MRO: variants seen among roughly 807,000 people sequenced by gnomAD.
MRO encodes the protein maestro.
Under a neutral mutation model 31.0 loss-of-function variants are expected in MRO, and 28 were observed. That is an observed-to-expected ratio of 0.90 (90% confidence interval 0.67 to 1.24). MRO has a LOEUF of 1.24. Among genes scored for constraint, MRO ranks in the 50% most tolerant of loss-of-function variants. The pLI is 0.00. For missense variants in MRO, 332 were observed against 289.2 expected (o/e 1.15, Z -1.07); for synonymous variants, 108 against 108.4 (o/e 1.00, Z 0.02).
At chr18:50,823,626 C>T (rs1915392240), upstream of MRO, 1 of 152,222 alleles carries the variant, frequency 6.6e-6, no homozygotes, top group Non-Finnish European at 1.5e-5. Context: ...TCATGCAAAC[C>T]AAGGGACTCA....
chr18:50,809,392 T>G lies in MRO; in HGVS notation c.9A>C (p.Gln3His). The stretch of plus-strand genomic sequence containing the variant: ...GCTGGCCCAGGATTCTCCTCTGTCT[T>G]TGGTCCATGGAACTAAAAACAAAAC... MDQRQRRILGQPL... is the reference protein window; with the variant it reads MDHRQRRILGQPL... The change falls in exon 3 of 8, where the codon CAA (glutamine) becomes CAC (histidine). Residue 3 changes from glutamine (Q) to histidine (H), a missense_variant. Physicochemically the swap from Gln to His is conservative, Grantham distance 24. Transcript: ENST00000398439. The G allele has an allele frequency of 3.1e-6, 5 of 1,612,782 alleles. No homozygotes were observed. The highest frequency in any genetic ancestry group is 4.2e-6 in the Non-Finnish European group (5 of 1,179,304).
Position 50,799,289 on chromosome 18 carries a change from T to A in MRO, c.*48A>T. ...AGTGAGATAAAACAGGGGAACATGATGGCTCAGCAATGCACTCATACAGAA... is the reference window on the plus strand; with the variant it reads ...AGTGAGATAAAACAGGGGAACATGAAGGCTCAGCAATGCACTCATACAGAA... On this transcript the variant is annotated 3_prime_UTR_variant, in exon 8 of 8. Transcript: ENST00000398439. 1 of 1,508,452 alleles carries A rather than the reference T, an allele frequency of 6.6e-7. No homozygotes were observed. Among genetic ancestry groups the A allele is most frequent in the South Asian group, 1.1e-5 (1 of 88,970 alleles). 93.4% of individuals were successfully genotyped at this position (1,508,452 alleles called of 1,614,324 possible). A position where few individuals can be genotyped will look rare whatever the true frequency, so the allele number is the denominator to read the frequency against.
At chr18:50,800,633 C>T (rs1324045918) in intron 6 of MRO, among the ~76,000 whole-genome samples, 1 of 151,966 alleles carries the variant, frequency 6.6e-6, no homozygotes, top group Non-Finnish European at 1.5e-5. Flanking sequence ...GCCTATAATC[C>T]CAACACCTTG....
chr18:50,805,125 A>G (rs1913783711), intron 5 of MRO, 29 bp downstream of exon 5: 1 of 1,588,352 alleles, frequency 6.3e-7, no homozygotes, highest in Non-Finnish European at 8.6e-7. Flanking sequence ...TTTGATTTCA[A>G]TAACCCAGAA....
At position 50,799,295 on chromosome 18, in the gene MRO, A is replaced by G; in HGVS notation, c.*42T>C. The G allele has an allele frequency of 6.5e-7, 1 of 1,537,046 alleles. No homozygotes were observed. The highest frequency in any genetic ancestry group is 9.0e-7 in the Non-Finnish European group (1 of 1,109,818). On this transcript the variant is annotated 3_prime_UTR_variant, in exon 8 of 8. Transcript: ENST00000398439. ...ATAAAACAGGGGAACATGATGGCTCAGCAATGCACTCATACAGAACCATTT... is the reference window on the plus strand; with the variant it reads ...ATAAAACAGGGGAACATGATGGCTCGGCAATGCACTCATACAGAACCATTT...
Position 50,799,277 on chromosome 18 carries a change from A to C in MRO, c.*60T>G, listed in dbSNP as rs1294076111. The stretch of plus-strand genomic sequence containing the variant: ...GAAGAGGCATCCAGTGAGATAAAAC[A>C]GGGGAACATGATGGCTCAGCAATGC... On this transcript the variant is annotated 3_prime_UTR_variant, in exon 8 of 8. Coordinates refer to ENST00000398439, the MANE Select transcript of MRO (RefSeq NM_031939.6). 7 of 1,427,038 alleles carry C rather than the reference A, an allele frequency of 4.9e-6. No homozygotes were observed. The highest frequency in any genetic ancestry group is 6.9e-6 in the Non-Finnish European group (7 of 1,009,920). The allele number at this position is 1,427,038 out of a possible 1,614,324, so 88.4% of individuals were successfully genotyped here. A position where few individuals can be genotyped will look rare whatever the true frequency, so the allele number is the denominator to read the frequency against.
At position 50,809,389 on chromosome 18, in the gene MRO, T is replaced by A. The variant is rs1173977379; in HGVS notation, c.12A>T (p.Arg4Ser). 1 of 1,612,960 alleles carries A rather than the reference T, an allele frequency of 6.2e-7. No homozygotes were observed. Among genetic ancestry groups the A allele is most frequent in the African/African-American group, 1.3e-5 (1 of 74,828 alleles). Reference sequence around the variant, plus strand: ...GGGGCTGGCCCAGGATTCTCCTCTGTCTTTGGTCCATGGAACTAAAAACAA... The same window carrying A: ...GGGGCTGGCCCAGGATTCTCCTCTGACTTTGGTCCATGGAACTAAAAACAA... MDQ[R>S]QRRILGQPLS... Residue 4 changes from arginine (R) to serine (S), a missense_variant, in exon 3 of 8, where the codon AGA (arginine) becomes AGT (serine). Transcript: ENST00000398439.
chr18:50,817,507 A>AATAAT (rs1915028100), intron 2 of MRO, among the ~76,000 whole-genome samples: 1 of 151,346 alleles, frequency 6.6e-6, no homozygotes, highest in South Asian at 2.1e-4. Context: ...AAATAAAAAT[A>AATAAT]AATAATAATA....
intron 2 of MRO, among the ~76,000 whole-genome samples, chr18:50,813,895 T>G (rs1006882363): frequency 6.6e-6 from 1 of 152,130 alleles, no homozygotes; most frequent in African/African-American, 2.4e-5. Flanking sequence ...GTACCATGCT[T>G]ATTACCTGAG....
intron 5 of MRO, among the ~76,000 whole-genome samples, chr18:50,804,075 T>C (rs1913678863): frequency 6.6e-6 from 1 of 150,842 alleles, no homozygotes; most frequent in Admixed American, 6.6e-5. Flanking sequence ...GCTCTGTGAA[T>C]TTGGGCAAGT....
intron 6 of MRO, among the ~76,000 whole-genome samples, chr18:50,800,656 G>A (rs962205767): frequency 1.2e-4 from 18 of 152,126 alleles, no homozygotes; most frequent in African/African-American, 3.4e-4. Context: ...AGGCTGAGGT[G>A]GGTGGATCAC....
At chr18:50,816,426 CTT>C (rs1914928203) in intron 2 of MRO, among the ~76,000 whole-genome samples, 1 of 152,132 alleles carries the variant, frequency 6.6e-6, no homozygotes, top group Non-Finnish European at 1.5e-5. Context: ...GAATTTTTAA[CTT>C]TTCAATATTT....
chr18:50,801,482 G>C lies in MRO; in HGVS notation c.452C>G (p.Ser151Trp). The C allele has an allele frequency of 1.2e-6, 2 of 1,606,162 alleles. No homozygotes were observed. Among genetic ancestry groups the C allele is most frequent in the South Asian group, 1.1e-5 (1 of 89,504 alleles). ...CAATTGCCCAAACAAAACAAAGGCC[G>C]AGTATCTCAGACTGTCGTTCTCCTG... ...LDDENDSLRY[S>W]AFVLFGQLAA... Residue 151 changes from serine to tryptophan, a missense_variant, in exon 6 of 8, where the codon TCG becomes TGG. Physicochemically the swap from Ser to Trp is radical, Grantham distance 177 (BLOSUM62 -3). Coordinates refer to ENST00000398439, the MANE Select transcript of MRO (RefSeq NM_031939.6).
chr18:50,824,277 A>G (rs1274499416), upstream of MRO, among the ~76,000 whole-genome samples: 2 of 152,090 alleles, frequency 1.3e-5, no homozygotes, highest in Non-Finnish European at 1.5e-5. Context: ...CTCTATAGTT[A>G]AACAAAAAAT....
intron 2 of MRO, among the ~76,000 whole-genome samples, chr18:50,813,756 T>C (rs902606528): frequency 2.0e-5 from 3 of 152,332 alleles, no homozygotes; most frequent in South Asian, 2.1e-4. Context: ...CTGCATGTTC[T>C]CATGTTCTCA....
chr18:50,823,725 T>A (rs534809250), upstream of MRO: 6 of 159,404 alleles, frequency 3.8e-5, no homozygotes, highest in South Asian at 1.1e-3. Context: ...ACCTGAAAGA[T>A]GTCACTTTTC....
intron 6 of MRO, 68 bp from the exon 7 acceptor site, chr18:50,800,211 C>T: frequency 8.7e-7 from 1 of 1,145,516 alleles, no homozygotes; most frequent in East Asian, 2.6e-5. Context: ...GAAAAGTATC[C>T]TAGAGGATTG....
chr18:50,812,338 C>A (rs189334942), intron 2 of MRO, among the ~76,000 whole-genome samples: 1 of 152,028 alleles, frequency 6.6e-6, no homozygotes, highest in East Asian at 1.9e-4. Context: ...CCATTCAAAT[C>A]CTTTGCTCAT....
Position 50,819,850 on chromosome 18 carries a change from T to C in MRO, c.-127+47A>G, listed in dbSNP as rs58842724. 7,384 of 1,543,704 alleles carry C rather than the reference T, an allele frequency of 4.8e-3. 153 individuals are homozygous for C. In the East Asian group the frequency reaches 0.064, roughly 13 times the overall value. On this transcript the variant is annotated intron_variant, in intron 1 of 7. Coordinates refer to ENST00000398439, the MANE Select transcript of MRO (RefSeq NM_031939.6). ...GGCAGGGGAGGGAATTGTTCTGGAA[T>C]GAAACCGACAAGAATATTGTAGGGT... is the stretch of plus-strand genomic sequence containing the variant.
Sources: gnomAD v4.1 joint callset for allele counts (sites outside exome capture counted in the v4.1 genomes callset) on GRCh38, gnomAD v4.1.1 for gene constraint, MANE v1.5 for transcripts, NCBI Gene and HGNC (gene_info 2026-07-23, HGNC 2026-07-21) for gene names.